Variants in MYO6 observed in about 807,000 individuals in gnomAD.
MYO6 encodes the protein unconventional myosin-VI.
A neutral mutation model predicts 178.7 loss-of-function variants in MYO6; 74 were observed. The observed-to-expected ratio is 0.41, with a 90% CI of 0.34 to 0.50. MYO6 has a LOEUF of 0.50. Among genes scored for constraint, MYO6 ranks in the 20% least tolerant of loss-of-function variants. MYO6 has a pLI of 0.09. For synonymous variants in MYO6, 477 were observed against 504.6 expected, an observed-to-expected ratio of 0.95 and a Z score of 0.73; for missense variants, 1,330 against 1,547.4, an observed-to-expected ratio of 0.86 and a Z score of 2.36.
Position 75,862,686 on chromosome 6 carries a change from C to T in MYO6, c.1637C>T (p.Ala546Val), listed in dbSNP as rs1776302049. The T allele has an allele frequency of 6.2e-7, 1 of 1,614,056 alleles. No individual in the cohort carries two copies. The highest frequency in any genetic ancestry group is 1.3e-5 in the African/African-American group (1 of 75,030). Reference sequence around the variant, plus strand: ...CCAAGTGATCAACACTTTACATCTGCAGTTCACCAAAAGCACAAGGATCAT... The same window carrying T: ...CCAAGTGATCAACACTTTACATCTGTAGTTCACCAAAAGCACAAGGATCAT... ...PQPSDQHFTS[A>V]VHQKHKDHFR... Residue 546 changes from alanine to valine, a missense_variant, in exon 16 of 35, where the codon GCA (alanine) becomes GTA (valine). By Grantham distance (64) the Ala-to-Val change is moderately conservative (BLOSUM62 0). Around this residue, in one of 3 missense-constraint regions of MYO6, gnomAD observed 613 missense variants for 816.8 expected, o/e 0.75. Transcript: ENST00000369977.
intron 1 of MYO6, among the ~76,000 whole-genome samples, chr6:75,786,025 C>T (rs961286655): frequency 6.6e-6 from 1 of 151,960 alleles, no homozygotes; most frequent in African/African-American, 2.4e-5. Context: ...AAGTGATTCT[C>T]CTGCCTCAGC....
rs550468901 is a variant in MYO6 at position 75,908,605 on chromosome 6, T to C, written c.3390T>C (p.Ala1130=). Residue 1130 remains alanine (A), a synonymous_variant, in exon 32 of 35, where the codon GCT becomes GCC. Transcript: ENST00000369977. ...KKRNTETEQR[A]PKSVTDYDFA... ...GAAATACTGAAACAGAGCAACGTGCTCCAAAGTCTGTTACTGATTATGGTA... is the reference window on the plus strand; with the variant it reads ...GAAATACTGAAACAGAGCAACGTGCCCCAAAGTCTGTTACTGATTATGGTA... The C allele has an allele frequency of 6.2e-7, 1 of 1,613,594 alleles. No homozygotes were observed. The highest frequency in any genetic ancestry group is 1.1e-5 in the South Asian group (1 of 91,072).
intron 1 of MYO6, among the ~76,000 whole-genome samples, chr6:75,783,236 C>T (rs1207599925): frequency 6.6e-6 from 1 of 152,032 alleles, no homozygotes; most frequent in Non-Finnish European, 1.5e-5. Flanking sequence ...GATTTTTAGT[C>T]TTTCCTCAGA....
intron 1 of MYO6, among the ~76,000 whole-genome samples, chr6:75,764,358 A>G (rs962401500): frequency 1.3e-5 from 2 of 152,044 alleles, no homozygotes; most frequent in African/African-American, 4.8e-5. Context: ...CTTTCTCCTT[A>G]GTCTTGTTCA....
chr6:75,853,054 T>C (rs540231141), intron 11 of MYO6, among the ~76,000 whole-genome samples: 12 of 152,266 alleles, frequency 7.9e-5, no homozygotes, highest in East Asian at 3.9e-4. Flanking sequence ...GTGTTATCTT[T>C]TTGTGGTTTT....
intron 9 of MYO6, among the ~76,000 whole-genome samples, chr6:75,842,042 A>G (rs1238125265): frequency 6.6e-6 from 1 of 152,216 alleles, no homozygotes; most frequent in Non-Finnish European, 1.5e-5. Flanking sequence ...TAATATTAAT[A>G]AAGGACACAT....
chr6:75,892,750 C>T (rs1779003021), intron 28 of MYO6, 60 bp downstream of exon 28: 1 of 1,567,004 alleles, frequency 6.4e-7, no homozygotes, highest in African/African-American at 1.4e-5. Flanking sequence ...ACCTCTCTGC[C>T]TCTCATTTCC....
rs371098321 is a variant in MYO6, at chr6:75,881,869, T to C, written c.2416+51T>C. ...GGATCTTTCATTGTTTCAAGATGGT[T>C]TGTGGAGTGTTGTAAAGCTGTCTCA... On this transcript the variant is annotated intron_variant, in intron 23 of 34. Transcript: ENST00000369977. The C allele has an allele frequency of 1.1e-4, 183 of 1,603,792 alleles. 2 individuals carry two copies. In the African/African-American group the frequency reaches 2.2e-3, roughly 20 times the overall value.
At chr6:75,816,186 T>A (rs999209) in intron 1 of MYO6, among the ~76,000 whole-genome samples, 117,729 of 152,210 alleles carry the variant, frequency 0.77, 46,746 homozygotes, top group East Asian at 0.95. Flanking sequence ...TAGTACGCAC[T>A]ACAAGGTTAA....
chr6:75,781,678 T>A (rs185397561), intron 1 of MYO6, among the ~76,000 whole-genome samples: 6 of 151,848 alleles, frequency 4.0e-5, no homozygotes, highest in Admixed American at 3.9e-4. Flanking sequence ...TCCCAGCACA[T>A]TGGGAGGCTG....
intron 1 of MYO6, among the ~76,000 whole-genome samples, chr6:75,756,585 C>T (rs573156499): frequency 2.6e-4 from 40 of 152,194 alleles, no homozygotes; most frequent in Non-Finnish European, 5.0e-4. Flanking sequence ...TGCCCGCCTT[C>T]GCCTCCCAAA....
At chr6:75,879,067 C>T (rs3798433) in intron 20 of MYO6, among the ~76,000 whole-genome samples, 36,768 of 152,110 alleles carry the variant, frequency 0.24, 5,583 homozygotes, top group Middle Eastern at 0.39. Flanking sequence ...GCCTTATGCA[C>T]TGATGATAAC....
At chr6:75,818,881 TCA>T (rs1013212552) in intron 2 of MYO6, among the ~76,000 whole-genome samples, 13 of 152,190 alleles carry the variant, frequency 8.5e-5, no homozygotes, top group Admixed American at 3.9e-4. Context: ...AAAAAAAAGC[TCA>T]GTTACTTTAC....
intron 16 of MYO6, 110 bp downstream of exon 16, chr6:75,862,833 A>G (rs1776317458): frequency 2.4e-6 from 3 of 1,240,754 alleles, no homozygotes; most frequent in Admixed American, 1.7e-5. Context: ...TATGGCGTGT[A>G]TAGAGCAACT....
intron 13 of MYO6, 119 bp downstream of exon 13, chr6:75,857,373 G>A (rs1775813843): frequency 2.0e-6 from 2 of 1,002,120 alleles, no homozygotes; most frequent in Non-Finnish European, 3.1e-6. Context: ...GTAATTATAT[G>A]TCCACACTCA....
At chr6:75,753,455 G>GTGTGTGTGTGTGTGTATATATA (rs370647728) in intron 1 of MYO6, among the ~76,000 whole-genome samples, 4 of 140,040 alleles carry the variant, frequency 2.9e-5, no homozygotes, top group African/African-American at 1.1e-4. Flanking sequence ...GTGTGTGTGT[G>GTGTGTGTGTGTGTGTATATATA]TATATATATA....
chr6:75,766,992 G>A (rs575917193), intron 1 of MYO6, among the ~76,000 whole-genome samples: 14 of 151,908 alleles, frequency 9.2e-5, no homozygotes, highest in Non-Finnish European at 1.8e-4. Context: ...GCTGGCTGCA[G>A]TATTTTTATT....
intron 3 of MYO6, among the ~76,000 whole-genome samples, chr6:75,827,637 T>A (rs1772621477): frequency 1.3e-5 from 2 of 152,096 alleles, no homozygotes; most frequent in African/African-American, 4.8e-5. Context: ...TAATGAGAAC[T>A]AAACTGGTAT....
chr6:75,863,593 C>G (rs1401081489), intron 16 of MYO6, among the ~76,000 whole-genome samples: 1 of 152,022 alleles, frequency 6.6e-6, no homozygotes, highest in East Asian at 1.9e-4. Flanking sequence ...TCAAGTGATT[C>G]TCCTACCTCA....
Sources: gnomAD v4.1 joint callset for allele counts (sites outside exome capture counted in the v4.1 genomes callset) on GRCh38, gnomAD v4.1.1 for gene constraint, gnomAD v4.1.1 regional missense constraint, MANE v1.5 for transcripts, NCBI Gene and HGNC (gene_info 2026-07-23, HGNC 2026-07-21) for gene names.